The following SYTL2 variants were observed in gnomAD, a reference collection of about 807,000 sequenced individuals.
The protein encoded by SYTL2 is synaptotagmin like 2.
In SYTL2, 165 loss-of-function variants were observed where a neutral mutation model predicts 198.7. The observed-to-expected ratio is 0.83, with a 90% CI of 0.73 to 0.94. The LOEUF is 0.94. SYTL2 is among the 40% of genes least tolerant of loss of function. The pLI, the probability that SYTL2 is intolerant of heterozygous loss-of-function variation, is 0.00. For missense variants in SYTL2, 2,835 were observed against 2,582.8 expected (o/e 1.10, Z -2.12); for synonymous variants, 966 against 917.7 (o/e 1.05, Z -0.95).
At chr11:85,714,213 G>A (rs2086782946) in intron 12 of SYTL2, among the ~76,000 whole-genome samples, 200 bp downstream of exon 12, 1 of 152,180 alleles carries the variant, frequency 6.6e-6, no homozygotes. Context: ...TAACCAAAAG[G>A]AGTTACTGTT....
chr11:85,749,437 A>C (rs971561359), intron 2 of SYTL2, among the ~76,000 whole-genome samples: 7 of 152,176 alleles, frequency 4.6e-5, no homozygotes, highest in African/African-American at 1.7e-4. Flanking sequence ...CAGGCAGAGA[A>C]TGTGAATGGG....
rs968302922 is a variant in SYTL2, at chr11:85,724,145, A to G, written c.5213T>C (p.Leu1738Pro). 6.2e-7 allele frequency: 1 copy of G among 1,601,514 alleles called. No individual in the cohort carries two copies. The highest frequency in any genetic ancestry group is 8.5e-7 in the Non-Finnish European group (1 of 1,176,960). The change falls in exon 8 of 20, where the codon CTA (leucine) becomes CCA (proline). Residue 1738 changes from leucine (L) to proline (P), a missense_variant. Leu to Pro is a moderately conservative substitution (Grantham distance 98). This residue lies in a region of SYTL2 where 2,645 missense variants were observed against 2,381.7 expected (regional missense o/e 1.11). Transcript: ENST00000359152. Reference sequence around the variant, plus strand: ...CTCTTGTTTCATATATGGCGATGCTAGAGTCAATTCAACTTTACTTGTTTT... The same window carrying G: ...CTCTTGTTTCATATATGGCGATGCTGGAGTCAATTCAACTTTACTTGTTTT... Reference protein sequence around the residue: ...STKTSKVELTLASPYMKQEKE... With the variant: ...STKTSKVELTPASPYMKQEKE...
intron 12 of SYTL2, among the ~76,000 whole-genome samples, chr11:85,713,876 G>C (rs1270795777): frequency 3.9e-5 from 6 of 152,170 alleles, no homozygotes; most frequent in African/African-American, 1.4e-4. Flanking sequence ...TTCTAGCTGA[G>C]TGAGGTTAAT....
rs144246637 is a variant in SYTL2 at position 85,714,046 on chromosome 11, T to C, written c.5625+367A>G. On this transcript the variant is annotated intron_variant, in intron 12 of 19. Coordinates refer to ENST00000359152, the MANE Select transcript of SYTL2 (RefSeq NM_206927.4). Reference sequence around the variant, plus strand: ...TCATTGTTACTTTATTAACAAACACTTTCAAACTAGTCATGCTGCCTAAAT... The same window carrying C: ...TCATTGTTACTTTATTAACAAACACCTTCAAACTAGTCATGCTGCCTAAAT... Among the ~76,000 whole-genome samples, 134 of 152,336 alleles carry C rather than the reference T, an allele frequency of 8.8e-4. 2 individuals are homozygous for C. The East Asian group carries it at 0.013, about 15-fold the overall frequency.
chr11:85,723,905 A>C, intron 8 of SYTL2, 127 bp downstream of exon 8: 1 of 462,298 alleles, frequency 2.2e-6, no homozygotes, highest in Non-Finnish European at 3.9e-6. Context: ...TCAGGAACAC[A>C]GAAGTGGTAA....
At chr11:85,733,127 T>G (rs2089977668) in intron 7 of SYTL2, among the ~76,000 whole-genome samples, 1 of 152,212 alleles carries the variant, frequency 6.6e-6, no homozygotes, top group African/African-American at 2.4e-5. Context: ...GGCCAAAGTC[T>G]GAGGCTTTTG....
intron 8 of SYTL2, among the ~76,000 whole-genome samples, chr11:85,722,644 C>T (rs537266): frequency 0.75 from 114,019 of 151,888 alleles, 43,342 homozygotes; most frequent in African/African-American, 0.87. Flanking sequence ...AAGAGCCTAC[C>T]TCAACAAGTT....
At position 85,695,261 on chromosome 11, in the gene SYTL2, G is replaced by A. The variant is rs767860935; in HGVS notation, c.6654C>T (p.Ser2218=). 1.2e-5 allele frequency: 19 copies of A among 1,612,532 alleles called. No individual in the cohort carries two copies. The Admixed American group carries it at 1.8e-4, about 16-fold the overall frequency. ...EVALWEKMVN[S]PNTWIEATLP... is the part of the protein sequence containing the mutation. ...GTGTTGCTTCAATCCAAGTATTGGG[G>A]GAGTTTACCATCTTCTCCCAGAGAG... is the stretch of plus-strand genomic sequence containing the variant. Residue 2218 remains serine, a synonymous_variant, in exon 20 of 20, where the codon TCC becomes TCT. Transcript: ENST00000359152.
rs1287187115 is a variant in SYTL2, at chr11:85,734,278, C to A, written c.1051G>T (p.Gly351Cys). Residue 351 changes from glycine (G) to cysteine (C), a missense_variant, in exon 7 of 20, where the codon GGT becomes TGT. Around this residue, in one of 3 missense-constraint regions of SYTL2, gnomAD observed 2,645 missense variants for 2,381.7 expected, o/e 1.11. Coordinates refer to ENST00000359152, the MANE Select transcript of SYTL2 (RefSeq NM_206927.4). ...ELPQSPGLIH[G>C]REVGEFSVLE... ...ACACTAAATTCTCCTACTTCCCGAC[C>A]ATGGATTAGCCCAGGACTCTGTGGA... 1 of 1,614,190 alleles carries A rather than the reference C, an allele frequency of 6.2e-7. No homozygotes were observed. The highest frequency in any genetic ancestry group is 2.2e-5 in the East Asian group (1 of 44,888).
Position 85,714,704 on chromosome 11 carries a change from A to G in SYTL2, c.5531-197T>C, listed in dbSNP as rs1172517672. On this transcript the variant is annotated intron_variant, in intron 11 of 19. Coordinates refer to ENST00000359152, the MANE Select transcript of SYTL2 (RefSeq NM_206927.4). ...TTATAAATTATATAGAGAGAGAACT[A>G]GCAAGGAGTTGAACCAAATACAAAA... 3.2e-6 allele frequency: 4 copies of G among 1,268,948 alleles called. No homozygotes were observed. The African/African-American group carries it at 6.1e-5, about 19-fold the overall frequency. 78.6% of individuals were successfully genotyped at this position (1,268,948 alleles called of 1,614,324 possible).
chr11:85,832,532 A>G, the SYTL2 span, among the ~76,000 whole-genome samples: 1 of 152,202 alleles, frequency 6.6e-6, no homozygotes, highest in East Asian at 1.9e-4. Flanking sequence ...CTGAAATATA[A>G]CTACACAAAT....
chr11:85,698,790 C>T (rs1187745581), intron 17 of SYTL2, among the ~76,000 whole-genome samples: 1 of 152,222 alleles, frequency 6.6e-6, no homozygotes, highest in African/African-American at 2.4e-5. Context: ...CCACCAGCCT[C>T]AGCCTCCTAA....
chr11:85,718,745 G>T, intron 10 of SYTL2, 45 bp downstream of exon 10: 1 of 1,589,390 alleles, frequency 6.3e-7, no homozygotes. Context: ...AATCACCCCA[G>T]AAGTTAATAC....
chr11:85,776,886 G>T (rs1488729709), intron 1 of SYTL2, among the ~76,000 whole-genome samples: 1 of 152,110 alleles, frequency 6.6e-6, no homozygotes, highest in South Asian at 2.1e-4. Flanking sequence ...ACACAAAATG[G>T]AGTAAGACAA....
intron 12 of SYTL2, among the ~76,000 whole-genome samples, chr11:85,712,695 TACACACACACAC>T (rs200738930): frequency 4.1e-5 from 6 of 145,566 alleles, no homozygotes; most frequent in East Asian, 2.0e-4. Flanking sequence ...AAAATACATA[TACACACACACAC>T]ACACACACAC....
chr11:85,771,976 C>T (rs1317155936), intron 1 of SYTL2, among the ~76,000 whole-genome samples: 1 of 152,164 alleles, frequency 6.6e-6, no homozygotes, highest in Non-Finnish European at 1.5e-5. Context: ...AATCTCAGCT[C>T]ACTGCAAACT....
chr11:85,759,174 A>T (rs948763577), intron 1 of SYTL2, among the ~76,000 whole-genome samples: 1 of 149,950 alleles, frequency 6.7e-6, no homozygotes, highest in Non-Finnish European at 1.5e-5. Flanking sequence ...TGAACCCGGG[A>T]GGCGGAGGTT....
chr11:85,834,741 A>G, the SYTL2 span, among the ~76,000 whole-genome samples: 1 of 149,854 alleles, frequency 6.7e-6, no homozygotes, highest in African/African-American at 2.5e-5. Flanking sequence ...AGAAAAGCAT[A>G]TTAAATGCTT....
intron 1 of SYTL2, among the ~76,000 whole-genome samples, chr11:85,787,249 G>A (rs571073024): frequency 1.3e-5 from 2 of 152,020 alleles, no homozygotes; most frequent in Non-Finnish European, 2.9e-5. Flanking sequence ...ATTTATTTCT[G>A]CAAGGCTGCT....
Sources: gnomAD v4.1 joint callset for allele counts (sites outside exome capture counted in the v4.1 genomes callset) on GRCh38, gnomAD v4.1.1 for gene constraint, gnomAD v4.1.1 regional missense constraint, MANE v1.5 for transcripts, NCBI Gene and HGNC (gene_info 2026-07-23, HGNC 2026-07-21) for gene names.